ST6GALNAC3: variants seen among roughly 807,000 people sequenced by gnomAD.
ST6GALNAC3 encodes alpha-N-acetylgalactosaminide alpha-2,6-sialyltransferase 3.
A neutral mutation model predicts 32.7 loss-of-function variants in ST6GALNAC3; 25 were observed. The ratio of observed to expected loss-of-function variants is 0.76; its 90% CI spans 0.56 to 1.07. The LOEUF (loss-of-function observed/expected upper bound fraction) is 1.07. Among genes scored for constraint, ST6GALNAC3 ranks in the 50% least tolerant of loss-of-function variants. The pLI is 0.00. For synonymous variants in ST6GALNAC3, 129 were observed against 133.1 expected (o/e 0.97, Z 0.21); for missense variants, 355 against 382.4 (o/e 0.93, Z 0.60).
intron 1 of ST6GALNAC3, among the ~76,000 whole-genome samples, chr1:76,091,067 C>A (rs966978878): frequency 2.0e-5 from 3 of 152,156 alleles, no homozygotes; most frequent in Non-Finnish European, 4.4e-5. Flanking sequence ...AATGACATCT[C>A]TCTCCTTGTG....
At chr1:76,454,946 G>A (rs1043799323) in intron 3 of ST6GALNAC3, among the ~76,000 whole-genome samples, 17 of 150,048 alleles carry the variant, frequency 1.1e-4, no homozygotes, top group African/African-American at 4.2e-4. Context: ...TTTCAGTTCT[G>A]TTTCTGTAAC....
chr1:76,571,046 A>G (rs1258881100), intron 3 of ST6GALNAC3, among the ~76,000 whole-genome samples: 1 of 152,016 alleles, frequency 6.6e-6, no homozygotes, highest in East Asian at 1.9e-4. Context: ...TTATTTTCCT[A>G]ATGTTGCTAA....
intron 1 of ST6GALNAC3, among the ~76,000 whole-genome samples, chr1:76,116,872 T>C (rs6657828): frequency 0.026 from 3,898 of 152,252 alleles, 121 homozygotes; most frequent in Admixed American, 0.073. Context: ...GAGGTTGCAG[T>C]GAGCCAAGAT....
chr1:76,461,922 C>T (rs2101598360), intron 3 of ST6GALNAC3, among the ~76,000 whole-genome samples: 1 of 152,196 alleles, frequency 6.6e-6, no homozygotes, highest in African/African-American at 2.4e-5. Flanking sequence ...GGTAAACTGA[C>T]CACAGTTCTG....
chr1:76,612,029 G>A (rs1647970686), intron 3 of ST6GALNAC3, among the ~76,000 whole-genome samples: 1 of 152,158 alleles, frequency 6.6e-6, no homozygotes, highest in African/African-American at 2.4e-5. Flanking sequence ...CCTGCGACTT[G>A]ATAAAATTAT....
At chr1:76,546,774 G>C (rs926878865) in intron 3 of ST6GALNAC3, among the ~76,000 whole-genome samples, 1 of 152,202 alleles carries the variant, frequency 6.6e-6, no homozygotes, top group South Asian at 2.1e-4. Flanking sequence ...CCAGGTTGAG[G>C]CTGCCTGTGC....
At chr1:76,117,517 A>G (rs1263853050) in intron 1 of ST6GALNAC3, among the ~76,000 whole-genome samples, 2 of 152,208 alleles carry the variant, frequency 1.3e-5, no homozygotes, top group East Asian at 1.9e-4. Flanking sequence ...TTAAACCTAA[A>G]ATGTGGTTTA....
chr1:76,546,446 G>GA (rs879360446), intron 3 of ST6GALNAC3, among the ~76,000 whole-genome samples: 2 of 151,762 alleles, frequency 1.3e-5, no homozygotes, highest in African/African-American at 2.4e-5. Flanking sequence ...GACCTGGATG[G>GA]AAAAAAAAGG....
intron 3 of ST6GALNAC3, among the ~76,000 whole-genome samples, chr1:76,515,020 C>T (rs943422559): frequency 2.6e-5 from 4 of 152,090 alleles, no homozygotes; most frequent in African/African-American, 9.7e-5. Context: ...CAGGGTAATG[C>T]TGCCTCATAA....
chr1:76,457,576 G>A (rs1184946605), intron 3 of ST6GALNAC3, among the ~76,000 whole-genome samples: 4 of 151,300 alleles, frequency 2.6e-5, no homozygotes, highest in South Asian at 4.2e-4. Context: ...CAGAAATAAT[G>A]CCGCATATCT....
At chr1:76,463,729 C>T (rs537794924) in intron 3 of ST6GALNAC3, among the ~76,000 whole-genome samples, 3 of 152,130 alleles carry the variant, frequency 2.0e-5, no homozygotes, top group Non-Finnish European at 2.9e-5. Flanking sequence ...TACGGGTAGA[C>T]TGAAGATCCT....
intron 2 of ST6GALNAC3, among the ~76,000 whole-genome samples, chr1:76,364,058 A>G (rs755997079): frequency 6.6e-6 from 1 of 152,230 alleles, no homozygotes; most frequent in East Asian, 1.9e-4. Context: ...TTATTCTCTG[A>G]TAAAAACTGG....
intron 2 of ST6GALNAC3, among the ~76,000 whole-genome samples, chr1:76,374,594 CA>C (rs1318381852): frequency 1.3e-5 from 2 of 152,326 alleles, no homozygotes; most frequent in African/African-American, 4.8e-5. Flanking sequence ...TTTGCAAGAG[CA>C]AGCATTCTCA....
At chr1:76,338,777 A>G (rs76399496) in intron 2 of ST6GALNAC3, among the ~76,000 whole-genome samples, 2,215 of 150,402 alleles carry the variant, frequency 0.015, 67 homozygotes, top group African/African-American at 0.051. Flanking sequence ...ATTCTAGGGC[A>G]TTCCTATTTG....
chr1:76,489,081 G>T (rs1364538628), intron 3 of ST6GALNAC3, among the ~76,000 whole-genome samples: 1 of 152,014 alleles, frequency 6.6e-6, no homozygotes, highest in East Asian at 1.9e-4. Context: ...TCCAGTGCCT[G>T]GCATCGTACT....
At chr1:76,513,530 C>A (rs1661999842) in intron 3 of ST6GALNAC3, among the ~76,000 whole-genome samples, 1 of 152,106 alleles carries the variant, frequency 6.6e-6, no homozygotes, top group South Asian at 2.1e-4. Context: ...TTGGTACTTA[C>A]AGCTTTGTAA....
chr1:76,605,009 T>A (rs909682805), intron 3 of ST6GALNAC3, among the ~76,000 whole-genome samples: 2 of 152,186 alleles, frequency 1.3e-5, no homozygotes, highest in African/African-American at 4.8e-5. Flanking sequence ...ATTCACATAG[T>A]ATTAACATAA....
chr1:76,214,061 T>C (rs1655324726), intron 1 of ST6GALNAC3, among the ~76,000 whole-genome samples: 1 of 152,222 alleles, frequency 6.6e-6, no homozygotes, highest in African/African-American at 2.4e-5. Flanking sequence ...TATAAGGTTT[T>C]ATTTTTTTTC....
intron 3 of ST6GALNAC3, among the ~76,000 whole-genome samples, chr1:76,537,982 C>T (rs1663730937): frequency 6.6e-6 from 1 of 152,148 alleles, no homozygotes. Flanking sequence ...CTATCTTAAA[C>T]AATTGAAAAG....
Sources: allele counts gnomAD v4.1 joint callset (sites outside exome capture counted in the v4.1 genomes callset), GRCh38; gene constraint gnomAD v4.1.1; transcripts MANE v1.5; gene names NCBI Gene and HGNC (gene_info 2026-07-23, HGNC 2026-07-21).